CNTNAP1: variants seen among roughly 807,000 people sequenced by gnomAD.
CNTNAP1 encodes contactin-associated protein 1.
A neutral mutation model predicts 161.5 loss-of-function variants in CNTNAP1; 80 were observed. The observed-to-expected ratio is 0.50, with a 90% confidence interval of 0.41 to 0.60. The LOEUF (loss-of-function observed/expected upper bound fraction) is 0.60, where lower values mean the gene tolerates loss of function less well. CNTNAP1 is among the 20% of genes least tolerant of loss of function. CNTNAP1 has a pLI of 0.00. For synonymous variants in CNTNAP1, 695 were observed against 733.1 expected (o/e 0.95, Z 0.84); for missense variants, 1,464 against 1,854.8 (o/e 0.79, Z 3.87).
rs776183213 is a variant in CNTNAP1, at chr17:42,693,552, T to C, written c.2992+16T>C. ...TGCAACCACGGTAAGTGCTGCTGGT[T>C]ATGGGGCAACAGGGAGCCATAGGGT... On this transcript the variant is annotated intron_variant, in intron 18 of 23. Transcript: ENST00000264638. 1.9e-5 allele frequency: 31 copies of C among 1,609,362 alleles called. No homozygotes were observed. In the Admixed American group the frequency reaches 5.2e-4, roughly 27 times the overall value.
In CNTNAP1 at chr17:42,683,992, TCGG is replaced by T. The variant is rs774746929; in HGVS notation, c.170-43_170-41del. 5.0e-6 allele frequency: 8 copies of T among 1,613,230 alleles called. No homozygotes were observed. In the South Asian group the frequency reaches 8.8e-5, roughly 18 times the overall value. On this transcript the variant is annotated intron_variant, in intron 2 of 23. Transcript: ENST00000264638. ...GAAGGGTGGGGGCCTCCGGAGGACT[TCGG>T]GGAGAGGGATAGCCGGTTAAAGCTC...
In CNTNAP1 at chr17:42,692,204, T is replaced by G. The variant is rs2053096164; in HGVS notation, c.2530+213T>G. On this transcript the variant is annotated intron_variant, in intron 16 of 23. Transcript: ENST00000264638. ...TGGCCTCTCTTGGCCTTAAGCCCCTTCCTTGTGCCATAAGGAAGCTGGACC... is the reference window on the plus strand; with the variant it reads ...TGGCCTCTCTTGGCCTTAAGCCCCTGCCTTGTGCCATAAGGAAGCTGGACC... 2.0e-5 allele frequency among the ~76,000 whole-genome samples: 3 copies of G among 152,180 alleles called. No homozygotes were observed. In the South Asian group the frequency reaches 6.2e-4, roughly 32 times the overall value.
At chr17:42,682,934 A>G in intron 1 of CNTNAP1, 38 bp downstream of exon 1, 1 of 1,561,018 alleles carries the variant, frequency 6.4e-7, no homozygotes. Context: ...GGTTGGGCCC[A>G]GGAGTCCAGA....
rs866425883 is a variant in CNTNAP1 at position 42,687,015 on chromosome 17, C to T, written c.1013C>T (p.Ala338Val). 6.2e-6 allele frequency: 10 copies of T among 1,613,508 alleles called. No homozygotes were observed. The highest frequency in any genetic ancestry group is 8.5e-6 in the Non-Finnish European group (10 of 1,179,648). ...AACCGCGTCAACATCGCAGACCTGG[C>T]CGTGCGGCGCCATTCCCGGATCACC... ...IFNRVNIADL[A>V]VRRHSRITFE... is the part of the protein sequence containing the mutation. The change falls in exon 7 of 24, where the codon GCC (alanine) becomes GTC (valine). Residue 338 changes from alanine (A) to valine (V), a missense_variant. Transcript: ENST00000264638. The surrounding 1 kb of genome is among the most constrained non-coding windows in gnomAD (Gnocchi z 4.7).
rs747808560 is a variant in CNTNAP1, at chr17:42,682,881, G to T, written c.52G>T (p.Glu18Ter). The T allele has an allele frequency of 6.2e-7, 1 of 1,601,270 alleles. No individual in the cohort carries two copies. Among genetic ancestry groups the T allele is most frequent in the Non-Finnish European group, 8.5e-7 (1 of 1,174,926 alleles). The change falls in exon 1 of 24, where the codon GAG becomes TAG. Residue 18 changes from glutamate (E) to a stop codon, truncating the protein, a stop_gained. Transcript: ENST00000264638. LOFTEE classifies it high-confidence loss of function. The part of the protein sequence containing the change: ...CILLAAVSGA[E>*]GWGYYGCDEE... The stretch of plus-strand genomic sequence containing the variant: ...CCTGCTCGCCGCGGTCTCAGGAGCC[G>T]AGGGCTGGGGCTACTGTGAGTGTTG...
Position 42,697,625 on chromosome 17 carries a change from C to G in CNTNAP1, c.3640C>G (p.Arg1214Gly), listed in dbSNP as rs748180882. 1.2e-6 allele frequency: 2 copies of G among 1,613,994 alleles called. No individual in the cohort carries two copies. The highest frequency in any genetic ancestry group is 2.7e-5 in the African/African-American group (2 of 74,894). ...PGFSGCLSGV[R>G]FNNVAPLKTH... is the part of the protein sequence containing the mutation. The stretch of plus-strand genomic sequence containing the variant: ...TTTCTCAGGCTGCCTGTCTGGTGTT[C>G]GATTCAACAACGTGGCTCCCCTCAA... The change falls in exon 22 of 24, where the codon CGA (arginine) becomes GGA (glycine). Residue 1214 changes from arginine (R) to glycine (G), a missense_variant. Arg to Gly is a moderately radical substitution (Grantham distance 125). Coordinates refer to ENST00000264638, the MANE Select transcript of CNTNAP1 (RefSeq NM_003632.3).
In CNTNAP1 at chr17:42,687,612, C is replaced by T; in HGVS notation, c.1045-108C>T. Reference sequence around the variant, plus strand: ...TGGTTGGAGATCTCACCCCCGCCAACACCGAAGGAGGGCGGTGACCAGGGT... The same window carrying T: ...TGGTTGGAGATCTCACCCCCGCCAATACCGAAGGAGGGCGGTGACCAGGGT... On this transcript the variant is annotated intron_variant, in intron 7 of 23. Coordinates refer to ENST00000264638, the MANE Select transcript of CNTNAP1 (RefSeq NM_003632.3). The surrounding 1 kb of genome is among the most constrained non-coding windows in gnomAD (Gnocchi z 4.7). 7.0e-7 allele frequency: 1 copy of T among 1,426,766 alleles called. No homozygotes were observed. Among genetic ancestry groups the T allele is most frequent in the Admixed American group, 2.0e-5 (1 of 49,060 alleles). The allele number at this position is 1,426,766 out of a possible 1,614,324, so 88.4% of individuals were successfully genotyped here. A position where few individuals can be genotyped will look rare whatever the true frequency, so the allele number is the denominator to read the frequency against.
At chr17:42,683,763 C>A in intron 1 of CNTNAP1, 58 bp from the exon 2 acceptor site, 1 of 1,566,666 alleles carries the variant, frequency 6.4e-7, no homozygotes. Flanking sequence ...AGTGGGCCGG[C>A]CTTTGGAAGG....
chr17:42,691,852 C>G lies in CNTNAP1; in HGVS notation c.2391C>G (p.Arg797=). The G allele has an allele frequency of 6.2e-7, 1 of 1,614,174 alleles. No individual in the cohort carries two copies. Among genetic ancestry groups the G allele is most frequent in the Non-Finnish European group, 8.5e-7 (1 of 1,180,028 alleles). Residue 797 remains arginine (R), a synonymous_variant, in exon 16 of 24, where the codon CGC becomes CGG. Coordinates refer to ENST00000264638, the MANE Select transcript of CNTNAP1 (RefSeq NM_003632.3). The surrounding 1 kb of genome is among the most constrained non-coding windows in gnomAD (Gnocchi z 4.3). ...TISFHTGAAL[R]FPPIRANHSL... is the part of the protein sequence containing the mutation. ...CCTTCCACACCGGGGCTGCACTACG[C>G]TTCCCCCCAATCCGTGCCAACCACA... is the stretch of plus-strand genomic sequence containing the variant.
In CNTNAP1 at chr17:42,686,149, A is replaced by G; in HGVS notation, c.900+8A>G. 1 of 1,613,624 alleles carries G rather than the reference A, an allele frequency of 6.2e-7. No individual in the cohort carries two copies. Among genetic ancestry groups the G allele is most frequent in the Non-Finnish European group, 8.5e-7 (1 of 1,179,538 alleles). The stretch of plus-strand genomic sequence containing the variant: ...CTGAACCTGGACACTGAGGTGAGAG[A>G]CTAGGGAGGTGCTATTTCGTGGTAG... On this transcript the variant is annotated splice_region_variant and intron_variant, in intron 6 of 23. Coordinates refer to ENST00000264638, the MANE Select transcript of CNTNAP1 (RefSeq NM_003632.3).
rs756896276 is a variant in CNTNAP1 at position 42,689,569 on chromosome 17, G to A, written c.1677G>A (p.Trp559Ter). The A allele has an allele frequency of 5.6e-6, 9 of 1,613,722 alleles. No individual in the cohort carries two copies. The highest frequency in any genetic ancestry group is 7.6e-6 in the Non-Finnish European group (9 of 1,179,900). The change falls in exon 11 of 24, where the codon TGG (tryptophan) becomes TGA (stop). Residue 559 changes from tryptophan to a stop codon, truncating the protein, a stop_gained. Coordinates refer to ENST00000264638, the MANE Select transcript of CNTNAP1 (RefSeq NM_003632.3). LOFTEE classifies it high-confidence loss of function. ...ATGATGGACGCTGCTACCAGTCTTG[G>A]GATGACTTCATTTGCTACTGCGAAC... ...CEHDGRCYQS[W>*]DDFICYCELT...
rs761138202 is a variant in CNTNAP1 at position 42,691,470 on chromosome 17, A to G, written c.2303A>G (p.Glu768Gly). The change falls in exon 15 of 24, where the codon GAG becomes GGG. Residue 768 changes from glutamate (E) to glycine (G), a missense_variant. Physicochemically the swap from Glu to Gly is moderately conservative, Grantham distance 98. Transcript: ENST00000264638. This position sits in a 1 kb window ranked among gnomAD's most constrained non-coding sequence, Gnocchi z 4.3. ...VIGDTNRSTS[E>G]AQFFLRPLRC... is the part of the protein sequence containing the mutation. ...GGGGATACGAACCGCTCCACTTCTG[A>G]GGCCCAGTTCTTCCTGAGGCCTCTG... 1 of 1,613,972 alleles carries G rather than the reference A, an allele frequency of 6.2e-7. No homozygotes were observed. The highest frequency in any genetic ancestry group is 1.3e-5 in the African/African-American group (1 of 74,976).
rs967816309 is a variant in CNTNAP1 at position 42,691,024 on chromosome 17, G to A, written c.2059+82G>A. 6.3e-6 allele frequency: 10 copies of A among 1,599,320 alleles called. No individual in the cohort carries two copies. The South Asian group carries it at 6.7e-5, about 11-fold the overall frequency. On this transcript the variant is annotated intron_variant, in intron 13 of 23. Coordinates refer to ENST00000264638, the MANE Select transcript of CNTNAP1 (RefSeq NM_003632.3). This position sits in a 1 kb window ranked among gnomAD's most constrained non-coding sequence, Gnocchi z 4.3. Reference sequence around the variant, plus strand: ...GGAGAAGGAAGCCAGAGAGCCAGCTGGGGCCTTGGGTTGGAAGATTCAAGG... The same window carrying A: ...GGAGAAGGAAGCCAGAGAGCCAGCTAGGGCCTTGGGTTGGAAGATTCAAGG...
rs528474892 is a variant in CNTNAP1 at position 42,699,421 on chromosome 17, T to C, written c.*511T>C. ...CAGCTGGAGGCTCAAGAGGGCTTGA[T>C]GGCTGTCCCCTGCCCCCCTCCTTTT... On this transcript the variant is annotated 3_prime_UTR_variant, in exon 24 of 24. Transcript: ENST00000264638. 3.9e-5 allele frequency: 6 copies of C among 153,334 alleles called. No individual in the cohort carries two copies. Among genetic ancestry groups the C allele is most frequent in the African/African-American group, 1.4e-4 (6 of 41,556 alleles). The allele number at this position is 153,334 out of a possible 1,614,324, so 9.5% of individuals were successfully genotyped here. A position where few individuals can be genotyped will look rare whatever the true frequency, so the allele number is the denominator to read the frequency against.
chr17:42,686,986 C>T lies in CNTNAP1; in HGVS notation c.984C>T (p.Ile328=), dbSNP rs2053025831. Residue 328 remains isoleucine (I), a synonymous_variant, in exon 7 of 24, where the codon ATC becomes ATT. Transcript: ENST00000264638. The stretch of plus-strand genomic sequence containing the variant: ...TCCGCGGCTGCATAGAAAACGTAAT[C>T]TTCAACCGCGTCAACATCGCAGACC... ...HNFRGCIENV[I]FNRVNIADLA... is the part of the protein sequence containing the mutation. The T allele has an allele frequency of 6.2e-7, 1 of 1,613,950 alleles. No homozygotes were observed. Among genetic ancestry groups the T allele is most frequent in the African/African-American group, 1.3e-5 (1 of 74,946 alleles).
chr17:42,684,942 AAAG>A, intron 3 of CNTNAP1, 46 bp from the exon 4 acceptor site: 1 of 1,591,578 alleles, frequency 6.3e-7, no homozygotes, highest in Non-Finnish European at 8.5e-7. Flanking sequence ...AAAATAAAAA[AAAG>A]AAGCAGAGGG....
At position 42,686,017 on chromosome 17, in the gene CNTNAP1, A is replaced by G. The variant is rs770286337; in HGVS notation, c.776A>G (p.Asn259Ser). ...HTTVSAGGVL[N>S]DQHWHYVRVD... ...ACCGTGAGCGCAGGCGGAGTCCTCA[A>G]TGACCAGCACTGGCACTATGTGCGG... The change falls in exon 6 of 24, where the codon AAT becomes AGT. Residue 259 changes from asparagine to serine, a missense_variant. Coordinates refer to ENST00000264638, the MANE Select transcript of CNTNAP1 (RefSeq NM_003632.3). 30 of 1,613,976 alleles carry G rather than the reference A, an allele frequency of 1.9e-5. No individual in the cohort carries two copies. Among genetic ancestry groups the G allele is most frequent in the African/African-American group, 2.7e-5 (2 of 74,894 alleles).
rs778575759 is a variant in CNTNAP1, at chr17:42,691,375, C to T, written c.2217-9C>T. 5.6e-6 allele frequency: 9 copies of T among 1,613,850 alleles called. No individual in the cohort carries two copies. Among genetic ancestry groups the T allele is most frequent in the Non-Finnish European group, 7.6e-6 (9 of 1,179,952 alleles). ...GCTGGGGCTGAGCCATGACATCCTG[C>T]CCCCACAGGAGAACTGACAAGGGAC... On this transcript the variant is annotated splice_polypyrimidine_tract_variant and intron_variant, in intron 14 of 23. Coordinates refer to ENST00000264638, the MANE Select transcript of CNTNAP1 (RefSeq NM_003632.3). The surrounding 1 kb of genome is among the most constrained non-coding windows in gnomAD (Gnocchi z 4.3).
Position 42,695,681 on chromosome 17 carries a change from C to T in CNTNAP1, c.3153C>T (p.Gly1051=). 1 of 1,614,194 alleles carries T rather than the reference C, an allele frequency of 6.2e-7. No homozygotes were observed. The highest frequency in any genetic ancestry group is 8.5e-7 in the Non-Finnish European group (1 of 1,180,038). Residue 1051 remains glycine, a synonymous_variant, in exon 19 of 24, where the codon GGC becomes GGT. Coordinates refer to ENST00000264638, the MANE Select transcript of CNTNAP1 (RefSeq NM_003632.3). Reference sequence around the variant, plus strand: ...ATGATACTCCGGGCTATGTGCCTGGCTACCATGGCCCCGGGTACCGCCTGC... The same window carrying T: ...ATGATACTCCGGGCTATGTGCCTGGTTACCATGGCCCCGGGTACCGCCTGC... ...PGYDTPGYVP[G]YHGPGYRLPD... is the part of the protein sequence containing the mutation.
Sources: gnomAD v4.1 joint callset for allele counts (sites outside exome capture counted in the v4.1 genomes callset) on GRCh38, gnomAD v4.1.1 for gene constraint, Gnocchi (gnomAD v3.1) non-coding constraint, MANE v1.5 for transcripts, NCBI Gene and HGNC (gene_info 2026-07-23, HGNC 2026-07-21) for gene names.